Variants in SND1 observed in about 807,000 individuals in gnomAD.
The protein encoded by SND1 is staphylococcal nuclease domain-containing protein 1.
SND1 carries 38 observed loss-of-function variants against 121.7 expected under a neutral mutation model. The ratio of observed to expected loss-of-function variants is 0.31; its 90% CI spans 0.24 to 0.41. The LOEUF (loss-of-function observed/expected upper bound fraction) is 0.41. Ranked by LOEUF, SND1 falls within the 10% of genes least tolerant of loss-of-function variation. The pLI is 1.00. For missense variants in SND1, 868 were observed against 1,184.6 expected, an observed-to-expected ratio of 0.73 and a Z score of 3.92; for synonymous variants, 401 against 447.4, an observed-to-expected ratio of 0.90 and a Z score of 1.31.
chr7:127,871,193 CT>C (rs1012933602), intron 12 of SND1, among the ~76,000 whole-genome samples: 5 of 152,124 alleles, frequency 3.3e-5, no homozygotes, highest in East Asian at 1.9e-4. Context: ...TGGATACCCC[CT>C]GAAGGATCTA....
Position 128,052,237 on chromosome 7 carries a change from A to G in SND1, c.1780-22265A>G, listed in dbSNP as rs868284034. 6.6e-6 allele frequency among the ~76,000 whole-genome samples: 1 copy of G among 152,078 alleles called. No individual in the cohort carries two copies. The highest frequency in any genetic ancestry group is 1.5e-5 in the Non-Finnish European group (1 of 68,000). On this transcript the variant is annotated intron_variant, in intron 16 of 23. Transcript: ENST00000354725. The surrounding 1 kb of genome is among the most constrained non-coding windows in gnomAD (Gnocchi z 4.6). The stretch of plus-strand genomic sequence containing the variant: ...GGAAGGCTGGGGCTGCCAGTGGTCC[A>G]TTTCTTCTGCCTGGACTTAGGGATT...
chr7:127,763,108 C>A (rs1237172992), intron 10 of SND1, among the ~76,000 whole-genome samples: 1 of 152,174 alleles, frequency 6.6e-6, no homozygotes, highest in Non-Finnish European at 1.5e-5. Context: ...GACAAAACTC[C>A]TAGAACTCAT....
In SND1 at chr7:127,904,829, G is replaced by T. The variant is rs773273846; in HGVS notation, c.1527+10G>T. 1 of 1,571,720 alleles carries T rather than the reference G, an allele frequency of 6.4e-7. No individual in the cohort carries two copies. Among genetic ancestry groups the T allele is most frequent in the South Asian group, 1.1e-5 (1 of 90,192 alleles). On this transcript the variant is annotated intron_variant, in intron 14 of 23. Transcript: ENST00000354725. ...TGCAGATATATCTGGGGTGAGTCGA[G>T]TCCCTGAATCAAGCTGTGTGGCTCA...
At chr7:127,699,271 A>G (rs1211418929) in intron 4 of SND1, among the ~76,000 whole-genome samples, 1 of 152,234 alleles carries the variant, frequency 6.6e-6, no homozygotes, top group East Asian at 1.9e-4. Context: ...ATATTTATTG[A>G]GCACTTACTA....
intron 9 of SND1, among the ~76,000 whole-genome samples, chr7:127,714,630 G>A (rs1796355083): frequency 6.6e-6 from 1 of 152,112 alleles, no homozygotes; most frequent in African/African-American, 2.4e-5. Context: ...TACTCATTAA[G>A]CAATAACTCT....
intron 13 of SND1, among the ~76,000 whole-genome samples, chr7:127,894,294 G>A (rs955042318): frequency 3.3e-5 from 5 of 151,710 alleles, no homozygotes; most frequent in Non-Finnish European, 5.9e-5. Context: ...TTCCACCCTG[G>A]ACTTAGCTAG....
At chr7:128,035,484 A>C (rs1190770200) in intron 16 of SND1, among the ~76,000 whole-genome samples, 1 of 152,234 alleles carries the variant, frequency 6.6e-6, no homozygotes, top group Non-Finnish European at 1.5e-5. Context: ...GACCTTGGAG[A>C]TTATCTGGAT....
At chr7:127,802,099 C>T (rs1195170674) in intron 10 of SND1, among the ~76,000 whole-genome samples, 1 of 152,136 alleles carries the variant, frequency 6.6e-6, no homozygotes, top group Non-Finnish European at 1.5e-5. Context: ...CCTTCCTTGG[C>T]CTCCCAAAGT....
intron 16 of SND1, among the ~76,000 whole-genome samples, chr7:128,037,782 G>A (rs969553665): frequency 5.3e-5 from 8 of 152,230 alleles, no homozygotes; most frequent in Non-Finnish European, 1.2e-4. Context: ...AGAGAAGGGG[G>A]CAGGCTGACA....
chr7:127,780,708 G>C (rs1312704248), intron 10 of SND1, among the ~76,000 whole-genome samples: 2 of 152,126 alleles, frequency 1.3e-5, no homozygotes, highest in Non-Finnish European at 2.9e-5. Flanking sequence ...TTTCTCTTTT[G>C]CTAGAATTGC....
intron 10 of SND1, among the ~76,000 whole-genome samples, chr7:127,764,651 A>G (rs1370452709): frequency 6.6e-6 from 1 of 152,220 alleles, no homozygotes; most frequent in Non-Finnish European, 1.5e-5. Flanking sequence ...ATTTTCAGAA[A>G]TGCTGTCTTT....
Position 127,800,301 on chromosome 7 carries a change from C to A in SND1, c.1153-7183C>A, listed in dbSNP as rs546883264. On this transcript the variant is annotated intron_variant, in intron 10 of 23. Coordinates refer to ENST00000354725, the MANE Select transcript of SND1 (RefSeq NM_014390.4). ...ATTCAACAGTCAGTTTTAAGATCAT[C>A]ATGGAGTATAATTCCACTTGGGCAC... is the stretch of plus-strand genomic sequence containing the variant. 3.3e-5 allele frequency among the ~76,000 whole-genome samples: 5 copies of A among 152,312 alleles called. No individual in the cohort carries two copies. In the East Asian group the frequency reaches 9.6e-4, roughly 29 times the overall value.
At chr7:127,751,115 A>G (rs865926689) in intron 10 of SND1, among the ~76,000 whole-genome samples, 2 of 151,788 alleles carry the variant, frequency 1.3e-5, no homozygotes, top group Non-Finnish European at 2.9e-5. Context: ...CTCTGTTTTA[A>G]GTGTTGTTGG....
At chr7:127,990,485 G>T (rs555887255) in intron 15 of SND1, among the ~76,000 whole-genome samples, 20 of 152,290 alleles carry the variant, frequency 1.3e-4, no homozygotes, top group African/African-American at 4.3e-4. Context: ...TTTTGAATTT[G>T]GTGTAAAAGT....
chr7:127,934,294 A>G (rs1030840423), intron 15 of SND1, among the ~76,000 whole-genome samples: 8 of 152,210 alleles, frequency 5.3e-5, no homozygotes, highest in African/African-American at 9.6e-5. Flanking sequence ...CTGGTGGAGT[A>G]TAAAGAGTGA....
rs545488248 is a variant in SND1, at chr7:128,002,022, T to A, written c.1779+10966T>A. ...TATGTACAAAACCAGAGTAGAGTTCTAGGCTGGATCTAGGTATGTGTGTTG... is the reference window on the plus strand; with the variant it reads ...TATGTACAAAACCAGAGTAGAGTTCAAGGCTGGATCTAGGTATGTGTGTTG... On this transcript the variant is annotated intron_variant, in intron 16 of 23. Coordinates refer to ENST00000354725, the MANE Select transcript of SND1 (RefSeq NM_014390.4). Among the ~76,000 whole-genome samples, 5 of 152,374 alleles carry A rather than the reference T, an allele frequency of 3.3e-5. No homozygotes were observed. The East Asian group carries it at 5.8e-4, about 18-fold the overall frequency.
intron 11 of SND1, among the ~76,000 whole-genome samples, chr7:127,831,719 G>A (rs969002648): frequency 6.6e-6 from 1 of 152,140 alleles, no homozygotes; most frequent in African/African-American, 2.4e-5. Context: ...TTGTGAGGAG[G>A]CTACTTTTTT....
At chr7:127,817,754 G>A (rs1191038827) in intron 11 of SND1, among the ~76,000 whole-genome samples, 1 of 126,518 alleles carries the variant, frequency 7.9e-6, no homozygotes, top group East Asian at 2.2e-4. Context: ...TTTTGGTCAG[G>A]AATCTTACCT....
At chr7:127,722,566 AAAGG>A (rs1408660368) in intron 10 of SND1, among the ~76,000 whole-genome samples, 1 of 152,152 alleles carries the variant, frequency 6.6e-6, no homozygotes, top group African/African-American at 2.4e-5. Flanking sequence ...ATAACTAAAA[AAAGG>A]TAGATAAGTT....
Sources: allele counts gnomAD v4.1 joint callset (sites outside exome capture counted in the v4.1 genomes callset), GRCh38; gene constraint gnomAD v4.1.1; non-coding constraint Gnocchi (gnomAD v3.1); transcripts MANE v1.5; gene names NCBI Gene and HGNC (gene_info 2026-07-23, HGNC 2026-07-21).